Variants in HTT observed in about 807,000 individuals in gnomAD.
HTT encodes huntingtin, also known as huntington disease protein.
In HTT, 104 loss-of-function variants were observed where a neutral mutation model predicts 362.3. The ratio of observed to expected loss-of-function variants is 0.29; its 90% CI spans 0.24 to 0.34. HTT has a LOEUF of 0.34. Among genes scored for constraint, HTT ranks in the 10% least tolerant of loss-of-function variants. HTT has a pLI of 1.00. For missense variants in HTT, 3,301 were observed against 3,928.6 expected (o/e 0.84, Z 4.27); for synonymous variants, 1,577 against 1,548.7 (o/e 1.02, Z -0.43).
intron 27 of HTT, among the ~76,000 whole-genome samples, chr4:3,156,208 C>T (rs1452841067): frequency 6.6e-6 from 1 of 152,160 alleles, no homozygotes; most frequent in East Asian, 1.9e-4. Flanking sequence ...CAACCTCCGC[C>T]TCCCAGGTTC....
intron 37 of HTT, among the ~76,000 whole-genome samples, chr4:3,183,118 G>C (rs576134100): frequency 7.3e-4 from 112 of 152,386 alleles, no homozygotes; most frequent in African/African-American, 2.5e-3. Flanking sequence ...CTGGGCGCAA[G>C]TGATCCACCA....
Position 3,239,681 on chromosome 4 carries a change from C to T in HTT, c.9216-165C>T, listed in dbSNP as rs1052746060. On this transcript the variant is annotated intron_variant, in intron 66 of 66. Transcript: ENST00000355072. ...AGGGTTGCAGGAATGGAGGTGGAGG[C>T]GCTGATGCAGCTGGAGGCATCCAGG... Among the ~76,000 whole-genome samples the T allele has an allele frequency of 2.6e-5, 4 of 152,158 alleles. No individual in the cohort carries two copies. The East Asian group carries it at 5.8e-4, about 22-fold the overall frequency.
At chr4:3,211,528 A>G (rs187179237) in intron 47 of HTT, among the ~76,000 whole-genome samples, 20 of 152,302 alleles carry the variant, frequency 1.3e-4, no homozygotes, top group Admixed American at 1.3e-3. Context: ...ACTTTTACGT[A>G]TTTCAGCTGC....
intron 1 of HTT, among the ~76,000 whole-genome samples, chr4:3,085,184 C>CTAGA (rs1429233549): frequency 1.3e-5 from 2 of 151,686 alleles, no homozygotes; most frequent in Non-Finnish European, 2.9e-5. Context: ...GTTCCCCAGG[C>CTAGA]TAGAGTGCAA....
chr4:3,075,647 C>CGGGGGGGGGGGGGGGGGTGG (rs1560535774), intron 1 of HTT, among the ~76,000 whole-genome samples: 1 of 61,680 alleles, frequency 1.6e-5, no homozygotes, highest in Non-Finnish European at 2.9e-5. Context: ...AGTGGCGGGG[C>CGGGGGGGGGGGGGGGGGTGG]AGGGGGGGGG....
chr4:3,226,116 G>A (rs1240365849), intron 57 of HTT, among the ~76,000 whole-genome samples: 3 of 152,058 alleles, frequency 2.0e-5, no homozygotes, highest in East Asian at 1.9e-4. Flanking sequence ...GGAAGTAGAC[G>A]CCATGAAGGG....
At chr4:3,160,776 A>C (rs931058340) in intron 29 of HTT, among the ~76,000 whole-genome samples, 1 of 152,106 alleles carries the variant, frequency 6.6e-6, no homozygotes, top group Non-Finnish European at 1.5e-5. Context: ...CTGAGGAAGT[A>C]ACAGAGCTGG....
Position 3,173,111 on chromosome 4 carries a change from G to A in HTT, c.4146G>A (p.Glu1382=). The stretch of plus-strand genomic sequence containing the variant: ...GCCTGAGGAACATGGTGCAGGCGGA[G>A]CAGGAGAACGACACCTCGGGGTAAC... The part of the protein sequence containing the change: ...DASLRNMVQA[E]QENDTSGWFD... The change falls in exon 31 of 67, where the codon GAG becomes GAA. Residue 1382 remains glutamate (E), a synonymous_variant. Coordinates refer to ENST00000355072, the MANE Select transcript of HTT (RefSeq NM_001388492.1). 1 of 1,614,010 alleles carries A rather than the reference G, an allele frequency of 6.2e-7. No individual in the cohort carries two copies. The highest frequency in any genetic ancestry group is 8.5e-7 in the Non-Finnish European group (1 of 1,179,996).
chr4:3,095,592 CTG>C (rs1713817476), intron 2 of HTT, among the ~76,000 whole-genome samples: 1 of 152,306 alleles, frequency 6.6e-6, no homozygotes, highest in Non-Finnish European at 1.5e-5. Context: ...GCCTCTAAAA[CTG>C]TGAAAGAAAA....
intron 26 of HTT, among the ~76,000 whole-genome samples, chr4:3,152,703 CTT>C (rs1560571188): frequency 6.8e-6 from 1 of 147,380 alleles, no homozygotes. Context: ...CTCTGTTTTT[CTT>C]TTTTTTTTAA....
At position 3,207,276 on chromosome 4, in the gene HTT, A is replaced by C; in HGVS notation, c.6076-5A>C. 6.2e-7 allele frequency: 1 copy of C among 1,613,466 alleles called. No individual in the cohort carries two copies. The highest frequency in any genetic ancestry group is 2.2e-5 in the East Asian group (1 of 44,888). On this transcript the variant is annotated splice_region_variant and splice_polypyrimidine_tract_variant and intron_variant, in intron 44 of 66. Transcript: ENST00000355072. Reference sequence around the variant, plus strand: ...CAAACACACTAATGTGTTTTTGTCTATTAGAGCAGCATGGCCCAGTTGCCA... The same window carrying C: ...CAAACACACTAATGTGTTTTTGTCTCTTAGAGCAGCATGGCCCAGTTGCCA...
chr4:3,127,593 A>T lies in HTT; in HGVS notation c.1732A>T (p.Ser578Cys). 6.2e-7 allele frequency: 1 copy of T among 1,606,274 alleles called. No homozygotes were observed. The highest frequency in any genetic ancestry group is 8.5e-7 in the Non-Finnish European group (1 of 1,173,916). ...GPDSAVTPSD[S>C]SEIVLDGTDN... Reference sequence around the variant, plus strand: ...TGATTCAGCTGTTACCCCTTCAGACAGTTCTGAAATTGTAAGTGGGCAGAG... The same window carrying T: ...TGATTCAGCTGTTACCCCTTCAGACTGTTCTGAAATTGTAAGTGGGCAGAG... Residue 578 changes from serine to cysteine, a missense_variant, in exon 12 of 67, where the codon AGT (serine) becomes TGT (cysteine). By Grantham distance (112) the Ser-to-Cys change is moderately radical. This residue lies in a region of HTT where 2,316 missense variants were observed against 2,658.5 expected (regional missense o/e 0.87). Transcript: ENST00000355072.
chr4:3,172,522 C>T (rs973862001), intron 30 of HTT, 125 bp downstream of exon 30: 2 of 753,218 alleles, frequency 2.7e-6, no homozygotes, highest in East Asian at 5.0e-5. Context: ...TCCAGCGCAG[C>T]ACTTTTTGGC....
At chr4:3,124,886 A>G (rs886330858) in intron 10 of HTT, among the ~76,000 whole-genome samples, 1 of 152,218 alleles carries the variant, frequency 6.6e-6, no homozygotes, top group African/African-American at 2.4e-5. Flanking sequence ...GTGTCATTTA[A>G]TGACACTCAC....
intron 37 of HTT, 103 bp from the exon 38 acceptor site, chr4:3,186,494 G>T: frequency 7.7e-7 from 1 of 1,291,570 alleles, no homozygotes. Context: ...AGGTGACGAT[G>T]AGATGATTAT....
At chr4:3,182,579 T>C in intron 37 of HTT, 109 bp downstream of exon 37, 1 of 711,962 alleles carries the variant, frequency 1.4e-6, no homozygotes, top group Admixed American at 2.0e-5. Context: ...ATCTGTGCCT[T>C]GATAGCAGTT....
At chr4:3,173,276 G>C (rs1718077653) in intron 31 of HTT, 145 bp downstream of exon 31, 1 of 666,584 alleles carries the variant, frequency 1.5e-6, no homozygotes, top group Non-Finnish European at 2.6e-6. Context: ...AGATATATAT[G>C]GTTGATGCAA....
At position 3,115,296 on chromosome 4, in the gene HTT, T is replaced by C; in HGVS notation, c.748-8T>C. On this transcript the variant is annotated splice_polypyrimidine_tract_variant and splice_region_variant and intron_variant, in intron 6 of 66. Coordinates refer to ENST00000355072, the MANE Select transcript of HTT (RefSeq NM_001388492.1). ...ATCTTTTATCTACTTGGACTTTTGC[T>C]TCCGTAGGTTTTGTTAAAGGCCTTC... The C allele has an allele frequency of 6.2e-7, 1 of 1,612,472 alleles. No homozygotes were observed. Among genetic ancestry groups the C allele is most frequent in the Non-Finnish European group, 8.5e-7 (1 of 1,179,072 alleles).
intron 28 of HTT, among the ~76,000 whole-genome samples, chr4:3,157,636 A>G (rs894018638): frequency 2.6e-5 from 4 of 152,212 alleles, no homozygotes; most frequent in African/African-American, 9.6e-5. Flanking sequence ...TGTGTTTCAA[A>G]TAGTCTGGGC....
Sources: allele counts gnomAD v4.1 joint callset (sites outside exome capture counted in the v4.1 genomes callset), GRCh38; gene constraint gnomAD v4.1.1; regional missense constraint gnomAD v4.1.1; transcripts MANE v1.5; gene names NCBI Gene and HGNC (gene_info 2026-07-23, HGNC 2026-07-21).